Variants in TMEM178A observed in about 807,000 individuals in gnomAD.
The protein encoded by TMEM178A is transmembrane protein 178.
In TMEM178A, 12 loss-of-function variants were observed where a neutral mutation model predicts 29.1. That is an observed-to-expected ratio of 0.41 (90% CI 0.26 to 0.67). TMEM178A has a LOEUF of 0.67. Ranked by LOEUF, TMEM178A falls within the 30% of genes least tolerant of loss-of-function variation. The pLI is 0.29. For synonymous variants in TMEM178A, 210 were observed against 187.2 expected (o/e 1.12, Z -0.99); for missense variants, 366 against 419.1 (o/e 0.87, Z 1.11).
intron 3 of TMEM178A, among the ~76,000 whole-genome samples, chr2:39,708,751 T>G (rs74259821): frequency 6.6e-6 from 1 of 152,070 alleles, no homozygotes; most frequent in Non-Finnish European, 1.5e-5. Flanking sequence ...GATGGGGGTG[T>G]GGAGACAGGG....
Position 39,707,063 on chromosome 2 carries a change from A to G in TMEM178A, c.529A>G (p.Thr177Ala), listed in dbSNP as rs778131555. The G allele has an allele frequency of 2.5e-6, 4 of 1,604,908 alleles. No homozygotes were observed. The highest frequency in any genetic ancestry group is 3.4e-6 in the Non-Finnish European group (4 of 1,177,504). ...TTTGAGATTAGATTTAAGAAGAATCACTGCTGGCTTCCTCGGCATGGCCGT... is the reference window on the plus strand; with the variant it reads ...TTTGAGATTAGATTTAAGAAGAATCGCTGCTGGCTTCCTCGGCATGGCCGT... ...EWHLLHLRRITAGFLGMAVAV... is the reference protein window; with the variant it reads ...EWHLLHLRRIAAGFLGMAVAV... Residue 177 changes from threonine to alanine, a missense_variant, in exon 3 of 4, where the codon ACT becomes GCT. This residue lies in a region of TMEM178A where 119 missense variants were observed against 172.2 expected (regional missense o/e 0.69). Coordinates refer to ENST00000281961, the MANE Select transcript of TMEM178A (RefSeq NM_152390.3).
At chr2:39,665,615 A>C, upstream of TMEM178A, 2 of 202,134 alleles carry the variant, frequency 9.9e-6, no homozygotes, top group Non-Finnish European at 1.9e-5. Flanking sequence ...GGGTCGCTGG[A>C]GAGGAGGGCG....
At chr2:39,674,738 A>G (rs1670545119) in intron 1 of TMEM178A, among the ~76,000 whole-genome samples, 1 of 152,212 alleles carries the variant, frequency 6.6e-6, no homozygotes, top group Admixed American at 6.5e-5. Context: ...GACACAAAGG[A>G]ACTGTTTACT....
intron 1 of TMEM178A, among the ~76,000 whole-genome samples, chr2:39,698,664 C>T (rs922080569): frequency 1.3e-5 from 2 of 150,254 alleles, no homozygotes; most frequent in African/African-American, 2.4e-5. Flanking sequence ...ATAATGGCCT[C>T]ATAGAAAGAA....
At chr2:39,695,891 C>T (rs905775832) in intron 1 of TMEM178A, among the ~76,000 whole-genome samples, 7 of 152,112 alleles carry the variant, frequency 4.6e-5, no homozygotes, top group Admixed American at 4.6e-4. Context: ...TTATATAGTA[C>T]TTATATGTGT....
At chr2:39,720,870 T>C (rs1672690697), downstream of TMEM178A, among the ~76,000 whole-genome samples, 1 of 152,198 alleles carries the variant, frequency 6.6e-6, no homozygotes, top group Non-Finnish European at 1.5e-5. Context: ...GAAACCTCAT[T>C]AGAATAATTA....
In TMEM178A at chr2:39,666,301, CA is replaced by C; in HGVS notation, c.328del (p.Thr110ProfsTer23). On this transcript the variant is annotated frameshift_variant, in exon 1 of 4. Coordinates refer to ENST00000281961, the MANE Select transcript of TMEM178A (RefSeq NM_152390.3). LOFTEE classifies it high-confidence loss of function. ...CCGAGTGCGGCCGGCCCCTCTTCGC[CA>C]CCTACTCGGGCCTCTGGAGGAAGTG... ...DAECGRPLFA[T>X]YSGLWRKCYF... 1 of 1,434,156 alleles carries C rather than the reference CA, an allele frequency of 7.0e-7. No homozygotes were observed. Among genetic ancestry groups the C allele is most frequent in the Non-Finnish European group, 9.1e-7 (1 of 1,093,030 alleles). The allele number at this position is 1,434,156 out of a possible 1,614,324, so 88.8% of individuals were successfully genotyped here. A position where few individuals can be genotyped will look rare whatever the true frequency, so the allele number is the denominator to read the frequency against.
chr2:39,665,948 C>T lies in TMEM178A; in HGVS notation c.-27C>T. The stretch of plus-strand genomic sequence containing the variant: ...TGTCTGGCGGCGGCGCGCGAGCCCA[C>T]CGGCGGCTGCGGCGGGGCGGGAAGC... On this transcript the variant is annotated 5_prime_UTR_variant, in exon 1 of 4. Coordinates refer to ENST00000281961, the MANE Select transcript of TMEM178A (RefSeq NM_152390.3). 1 of 1,342,702 alleles carries T rather than the reference C, an allele frequency of 7.4e-7. No individual in the cohort carries two copies. The highest frequency in any genetic ancestry group is 9.5e-7 in the Non-Finnish European group (1 of 1,049,918). 83.2% of individuals were successfully genotyped at this position (1,342,702 alleles called of 1,614,324 possible). A position where few individuals can be genotyped will look rare whatever the true frequency, so the allele number is the denominator to read the frequency against.
In TMEM178A at chr2:39,667,984, A is replaced by C. The variant is rs137969531; in HGVS notation, c.400+1610A>C. On this transcript the variant is annotated intron_variant, in intron 1 of 3. Transcript: ENST00000281961. ...AGTGTAGTCTGTCTTTGGAAATGAC[A>C]GAACTGCATTTCCTTACACTTTCTA... Among the ~76,000 whole-genome samples, 428 of 152,354 alleles carry C rather than the reference A, an allele frequency of 2.8e-3. 1 individual carries two copies. Among genetic ancestry groups the C allele is most frequent in the African/African-American group, 9.7e-3 (402 of 41,566 alleles).
At chr2:39,674,155 G>A (rs917952746) in intron 1 of TMEM178A, among the ~76,000 whole-genome samples, 7 of 152,150 alleles carry the variant, frequency 4.6e-5, no homozygotes, top group East Asian at 3.8e-4. Flanking sequence ...AAGGAGTGGC[G>A]GGAAAAGCAA....
chr2:39,709,566 C>T (rs774765585), intron 3 of TMEM178A, among the ~76,000 whole-genome samples: 12 of 152,156 alleles, frequency 7.9e-5, no homozygotes, highest in East Asian at 3.9e-4. Context: ...AAAGCAGACG[C>T]GGGCAGCAAA....
chr2:39,677,748 C>T (rs571312911), intron 1 of TMEM178A, among the ~76,000 whole-genome samples: 44 of 149,854 alleles, frequency 2.9e-4, no homozygotes, highest in Admixed American at 8.0e-4. Context: ...TCCTCTTGGA[C>T]CTCTCGTTCG....
rs1672618922 is a variant in TMEM178A, at chr2:39,717,953, C to T, written c.*702C>T. ...CTGGATTTCTGCATTAAATGACTGCCCCCTTGTTAATCTGGGTGTGTTTTC... is the reference window on the plus strand; with the variant it reads ...CTGGATTTCTGCATTAAATGACTGCTCCCTTGTTAATCTGGGTGTGTTTTC... On this transcript the variant is annotated 3_prime_UTR_variant, in exon 4 of 4. Transcript: ENST00000281961. 1 of 152,504 alleles carries T rather than the reference C, an allele frequency of 6.6e-6. No homozygotes were observed. Among genetic ancestry groups the T allele is most frequent in the Admixed American group, 6.5e-5 (1 of 15,268 alleles). 9.4% of individuals were successfully genotyped at this position (152,504 alleles called of 1,614,324 possible).
At chr2:39,724,348 T>G in the TMEM178A span, among the ~76,000 whole-genome samples, 1 of 152,110 alleles carries the variant, frequency 6.6e-6, no homozygotes, top group African/African-American at 2.4e-5. Context: ...GACTCATGAA[T>G]TTCCGTCCTT....
At chr2:39,667,295 G>A (rs1197374994) in intron 1 of TMEM178A, among the ~76,000 whole-genome samples, 2 of 149,250 alleles carry the variant, frequency 1.3e-5, no homozygotes, top group Non-Finnish European at 3.0e-5. Flanking sequence ...TCTGAAATCT[G>A]TGCAACACCT....
At chr2:39,707,335 T>C in intron 3 of TMEM178A, 149 bp downstream of exon 3, 2 of 1,027,978 alleles carry the variant, frequency 1.9e-6, no homozygotes, top group Non-Finnish European at 2.7e-6. Context: ...TGCTGGAAAA[T>C]ACAGAATTTA....
intron 1 of TMEM178A, among the ~76,000 whole-genome samples, chr2:39,681,529 G>C (rs991246125): frequency 6.6e-6 from 1 of 152,150 alleles, no homozygotes; most frequent in Non-Finnish European, 1.5e-5. Context: ...AGACACCTCC[G>C]TGGATGAGGA....
intron 1 of TMEM178A, among the ~76,000 whole-genome samples, chr2:39,699,657 A>G (rs1370495322): frequency 2.0e-5 from 3 of 150,958 alleles, no homozygotes; most frequent in Non-Finnish European, 4.4e-5. Flanking sequence ...GGGTCTCACT[A>G]TGTTGCCCAG....
At chr2:39,675,576 T>C (rs989885484) in intron 1 of TMEM178A, among the ~76,000 whole-genome samples, 2 of 152,180 alleles carry the variant, frequency 1.3e-5, no homozygotes, top group African/African-American at 2.4e-5. Context: ...GAGTGCTGCT[T>C]ACTAATAGGC....
Sources: allele counts gnomAD v4.1 joint callset (sites outside exome capture counted in the v4.1 genomes callset), GRCh38; gene constraint gnomAD v4.1.1; regional missense constraint gnomAD v4.1.1; transcripts MANE v1.5; gene names NCBI Gene and HGNC (gene_info 2026-07-23, HGNC 2026-07-21).